The following PDE1B variants were observed in gnomAD, a reference collection of about 807,000 sequenced individuals.
The protein encoded by PDE1B is phosphodiesterase 1B.
In PDE1B, 13 loss-of-function variants were observed where a neutral mutation model predicts 66.7. That is an observed-to-expected ratio of 0.19 (90% CI 0.13 to 0.31). PDE1B has a LOEUF of 0.31. PDE1B is among the 10% of genes least tolerant of loss of function. PDE1B has a pLI of 1.00. For synonymous variants in PDE1B, 230 were observed against 253.9 expected (o/e 0.91, Z 0.90); for missense variants, 485 against 682.3 (o/e 0.71, Z 3.22).
intron 6 of PDE1B, chr12:54,571,865 A>G (rs1957621343): frequency 6.6e-6 from 1 of 152,072 alleles, no homozygotes; most frequent in Non-Finnish European, 1.5e-5. Context: ...CTCTGTCACT[A>G]TATTGCTCAT....
At chr12:54,554,329 G>C (rs553449032) in intron 2 of PDE1B, 158 of 152,268 alleles carry the variant, frequency 1.0e-3, no homozygotes, top group African/African-American at 3.7e-3. Flanking sequence ...ATAAACTATG[G>C]TTCCCTGGAC....
rs1158787775 is a variant in PDE1B at position 54,569,413 on chromosome 12, C to T, written c.410+47C>T. ...CCTCCCTCTGCCTTTAGCTGTGCCC[C>T]TCTTTCCCAGCCACCCTGGTCTTCC... is the stretch of plus-strand genomic sequence containing the variant. On this transcript the variant is annotated intron_variant, in intron 4 of 15. Coordinates refer to ENST00000243052, the MANE Select transcript of PDE1B (RefSeq NM_000924.4). This position sits in a 1 kb window ranked among gnomAD's most constrained non-coding sequence, Gnocchi z 4.4. 2 of 1,589,714 alleles carry T rather than the reference C, an allele frequency of 1.3e-6. No homozygotes were observed. Among genetic ancestry groups the T allele is most frequent in the African/African-American group, 1.3e-5 (1 of 74,500 alleles).
chr12:54,550,155 G>C (rs1450710718), intron 2 of PDE1B, 170 bp downstream of exon 2: 1 of 1,429,432 alleles, frequency 7.0e-7, no homozygotes, highest in Non-Finnish European at 9.2e-7. Context: ...ACATGTGCAA[G>C]GCATGTGCGG....
intron 2 of PDE1B, among the ~76,000 whole-genome samples, chr12:54,552,778 A>G (rs1353182556): frequency 1.3e-5 from 2 of 152,234 alleles, no homozygotes; most frequent in African/African-American, 2.4e-5. Flanking sequence ...AGGGTGAAAG[A>G]GGCCATCTGG....
At chr12:54,568,814 A>G (rs1490769215) in intron 3 of PDE1B, among the ~76,000 whole-genome samples, 1 of 152,202 alleles carries the variant, frequency 6.6e-6, no homozygotes, top group Non-Finnish European at 1.5e-5. Flanking sequence ...AATTATCATT[A>G]AAGTCAATTT....
chr12:54,576,782 C>A, intron 14 of PDE1B, 81 bp downstream of exon 14: 1 of 1,452,128 alleles, frequency 6.9e-7, no homozygotes, highest in South Asian at 1.2e-5. Flanking sequence ...TTTCTTAAGC[C>A]CCTGGGGAAA....
In PDE1B at chr12:54,575,214, G is replaced by T. The variant is rs143206355; in HGVS notation, c.1181G>T (p.Arg394Leu). Residue 394 changes from arginine (R) to leucine (L), a missense_variant, in exon 11 of 16, where the codon CGT becomes CTT. Physicochemically the swap from Arg to Leu is moderately radical, Grantham distance 102. Coordinates refer to ENST00000243052, the MANE Select transcript of PDE1B (RefSeq NM_000924.4). The surrounding 1 kb of genome is among the most constrained non-coding windows in gnomAD (Gnocchi z 4.0). The part of the protein sequence containing the change: ...WTKALMEEFF[R>L]QGDKEAELGL... ...AAGGCCCTCATGGAGGAATTCTTCC[G>T]TCAGGTAGCGTGGCATCTTTGCCTT... 1.9e-6 allele frequency: 3 copies of T among 1,613,324 alleles called. No homozygotes were observed. Among genetic ancestry groups the T allele is most frequent in the Middle Eastern group, 1.6e-4 (1 of 6,062 alleles).
At chr12:54,577,537 C>T (rs1450380499) in intron 15 of PDE1B, 192 bp downstream of exon 15, 1 of 1,552,500 alleles carries the variant, frequency 6.4e-7, no homozygotes, top group South Asian at 1.2e-5. Flanking sequence ...TTCTGTCCCC[C>T]AGTCCCTGCA....
At position 54,576,562 on chromosome 12, in the gene PDE1B, T is replaced by C. The variant is rs1957753779; in HGVS notation, c.1377-9T>C. ...TACCTCTTGCGGCTTTTGGGGGTTCTGCTTCTAGCTTTCAGTGGCGCCAGC... is the reference window on the plus strand; with the variant it reads ...TACCTCTTGCGGCTTTTGGGGGTTCCGCTTCTAGCTTTCAGTGGCGCCAGC... On this transcript the variant is annotated splice_polypyrimidine_tract_variant and intron_variant, in intron 13 of 15. Transcript: ENST00000243052. 6.2e-7 allele frequency: 1 copy of C among 1,613,954 alleles called. No individual in the cohort carries two copies.
At position 54,569,695 on chromosome 12, in the gene PDE1B, A is replaced by T; in HGVS notation, c.477+83A>T. The stretch of plus-strand genomic sequence containing the variant: ...ACTTCTAGACCCTGTTTATGGCATT[A>T]TTTTTGCCTTCCTTTTTTTTTTTTG... On this transcript the variant is annotated intron_variant, in intron 5 of 15. Transcript: ENST00000243052. This position sits in a 1 kb window ranked among gnomAD's most constrained non-coding sequence, Gnocchi z 4.4. 1 of 916,624 alleles carries T rather than the reference A, an allele frequency of 1.1e-6. No homozygotes were observed. The highest frequency in any genetic ancestry group is 1.7e-6 in the Non-Finnish European group (1 of 575,526). The allele number at this position is 916,624 out of a possible 1,614,324, so 56.8% of individuals were successfully genotyped here.
intron 14 of PDE1B, 69 bp from the exon 15 acceptor site, chr12:54,577,156 C>A: frequency 2.3e-6 from 3 of 1,309,752 alleles, no homozygotes; most frequent in South Asian, 1.3e-5. Flanking sequence ...CATGTCTCCA[C>A]ATACTCCTTG....
Position 54,573,205 on chromosome 12 carries a change from T to A in PDE1B, c.793T>A (p.Tyr265Asn), listed in dbSNP as rs765502329. ...CATCTTTGCTGCAGCTATCCATGAT[T>A]ATGAGCACACGGGCACTACCAACAG... Reference protein sequence around the residue: ...AIIFAAAIHDYEHTGTTNSFH... With the variant: ...AIIFAAAIHDNEHTGTTNSFH... The change falls in exon 8 of 16, where the codon TAT becomes AAT. Residue 265 changes from tyrosine (Y) to asparagine (N), a missense_variant. Physicochemically the swap from Tyr to Asn is moderately radical, Grantham distance 143 (BLOSUM62 -2). Around this residue, in one of 4 missense-constraint regions of PDE1B, gnomAD observed 282 missense variants for 453.4 expected, o/e 0.62. Transcript: ENST00000243052. This position sits in a 1 kb window ranked among gnomAD's most constrained non-coding sequence, Gnocchi z 5.2. 1 of 1,614,072 alleles carries A rather than the reference T, an allele frequency of 6.2e-7. No homozygotes were observed. The highest frequency in any genetic ancestry group is 2.2e-5 in the East Asian group (1 of 44,876).
Position 54,575,774 on chromosome 12 carries a change from G to C in PDE1B, c.1267+142G>C. 1 of 757,502 alleles carries C rather than the reference G, an allele frequency of 1.3e-6. No homozygotes were observed. Among genetic ancestry groups the C allele is most frequent in the Non-Finnish European group, 2.3e-6 (1 of 437,240 alleles). 46.9% of individuals were successfully genotyped at this position (757,502 alleles called of 1,614,324 possible). A position where few individuals can be genotyped will look rare whatever the true frequency, so the allele number is the denominator to read the frequency against. Reference sequence around the variant, plus strand: ...TACTGTGCTAGAGCATGGGGTCCTGGGTTAGGAGGCCAGGGGGCTGCAATG... The same window carrying C: ...TACTGTGCTAGAGCATGGGGTCCTGCGTTAGGAGGCCAGGGGGCTGCAATG... On this transcript the variant is annotated intron_variant, in intron 12 of 15. Transcript: ENST00000243052. This position sits in a 1 kb window ranked among gnomAD's most constrained non-coding sequence, Gnocchi z 4.0.
chr12:54,575,501 G>A lies in PDE1B; in HGVS notation c.1186-50G>A, dbSNP rs199512774. The stretch of plus-strand genomic sequence containing the variant: ...ACTTGCCACCTGTACCCCAGATCTG[G>A]TAGGTCTGAGGTATCCTCTCCAGCT... On this transcript the variant is annotated intron_variant, in intron 11 of 15. Transcript: ENST00000243052. This position sits in a 1 kb window ranked among gnomAD's most constrained non-coding sequence, Gnocchi z 4.0. The A allele has an allele frequency of 1.5e-6, 2 of 1,308,936 alleles. No homozygotes were observed. The highest frequency in any genetic ancestry group is 2.2e-6 in the Non-Finnish European group (2 of 901,996). 81.1% of individuals were successfully genotyped at this position (1,308,936 alleles called of 1,614,324 possible).
chr12:54,549,898 C>A lies in PDE1B; in HGVS notation c.26C>A (p.Pro9Gln), dbSNP rs149630948. 3.9e-5 allele frequency: 63 copies of A among 1,613,902 alleles called. No homozygotes were observed. The highest frequency in any genetic ancestry group is 5.0e-5 in the Non-Finnish European group (59 of 1,179,910). Residue 9 changes from proline (P) to glutamine (Q), a missense_variant, in exon 2 of 16, where the codon CCG (proline) becomes CAG (glutamine). Around this residue, in one of 4 missense-constraint regions of PDE1B, gnomAD observed 74 missense variants for 78.7 expected, o/e 0.94. Transcript: ENST00000243052. The part of the protein sequence containing the change: MELSPRSP[P>Q]EMLEESDCPS... ...ATGGAGCTGTCCCCCCGCAGTCCTC[C>A]GGAGATGCTGGAGGAGTCGGATTGC...
At chr12:54,565,163 A>T (rs932266450) in intron 2 of PDE1B, among the ~76,000 whole-genome samples, 1 of 152,238 alleles carries the variant, frequency 6.6e-6, no homozygotes, top group African/African-American at 2.4e-5. Context: ...AACTGGAAGA[A>T]CTTTGATGAT....
intron 6 of PDE1B, chr12:54,572,299 A>G (rs1322758374): frequency 7.1e-6 from 2 of 282,274 alleles, no homozygotes; most frequent in Non-Finnish European, 1.3e-5. Flanking sequence ...AATAATAATT[A>G]TAGCTATTCT....
rs950565901 is a variant in PDE1B at position 54,550,051 on chromosome 12, G to A, written c.113+66G>A. The A allele has an allele frequency of 2.2e-5, 34 of 1,567,044 alleles. No homozygotes were observed. In the Admixed American group the frequency reaches 4.6e-4, roughly 21 times the overall value. ...GAGCCTGAGCGGGAGGAGGAGGGGG[G>A]ATAACTGGAGCAGGGCTGTGGGCTG... On this transcript the variant is annotated intron_variant, in intron 2 of 15. Coordinates refer to ENST00000243052, the MANE Select transcript of PDE1B (RefSeq NM_000924.4).
intron 1 of PDE1B, 21 bp downstream of exon 1, chr12:54,549,793 G>T: frequency 9.0e-7 from 1 of 1,115,706 alleles, no homozygotes; most frequent in South Asian, 1.3e-5. Flanking sequence ...CCTGGGATGG[G>T]GGGTGAGGGT....
Sources: allele counts gnomAD v4.1 joint callset (sites outside exome capture counted in the v4.1 genomes callset), GRCh38; gene constraint gnomAD v4.1.1; regional missense constraint gnomAD v4.1.1; non-coding constraint Gnocchi (gnomAD v3.1); transcripts MANE v1.5; gene names NCBI Gene and HGNC (gene_info 2026-07-23, HGNC 2026-07-21).